SGCA: variants seen among roughly 807,000 people sequenced by gnomAD.
The protein encoded by SGCA is sarcoglycan alpha, also known as alpha-sarcoglycan.
A neutral mutation model predicts 38.1 loss-of-function variants in SGCA; 34 were observed. That is an observed-to-expected ratio of 0.89 (90% CI 0.68 to 1.19). The LOEUF (loss-of-function observed/expected upper bound fraction) is 1.19, where lower values mean the gene tolerates loss of function less well. Ranked by LOEUF, SGCA falls within the 50% of genes most tolerant of loss-of-function variation. The pLI is 0.00. For synonymous variants in SGCA, 209 were observed against 214.6 expected (o/e 0.97, Z 0.23); for missense variants, 476 against 524.9 (o/e 0.91, Z 0.91).
chr17:50,168,641 G>T, intron 5 of SGCA, 69 bp downstream of exon 5: 1 of 1,418,924 alleles, frequency 7.0e-7, no homozygotes, highest in Non-Finnish European at 9.7e-7. Context: ...TAGAACAAGG[G>T]TCTCCCTAAT....
chr17:50,175,702 C>T lies in SGCA; in HGVS notation c.*13-10C>T. The stretch of plus-strand genomic sequence containing the variant: ...TGGCCCTCTCAGCCCTCCACTCTCT[C>T]TTCCCACAGTGGTTCCAGGTCCAGC... On this transcript the variant is annotated splice_polypyrimidine_tract_variant and intron_variant, in intron 9 of 9. Coordinates refer to ENST00000262018, the MANE Select transcript of SGCA (RefSeq NM_000023.4). The T allele has an allele frequency of 1.5e-6, 1 of 650,144 alleles. No homozygotes were observed. The highest frequency in any genetic ancestry group is 2.8e-6 in the Non-Finnish European group (1 of 351,586). 40.3% of individuals were successfully genotyped at this position (650,144 alleles called of 1,614,324 possible).
rs758384359 is a variant in SGCA, at chr17:50,168,459, C to T, written c.471C>T (p.Phe157=). The T allele has an allele frequency of 6.3e-7, 1 of 1,586,288 alleles. No homozygotes were observed. The highest frequency in any genetic ancestry group is 8.6e-7 in the Non-Finnish European group (1 of 1,166,042). The change falls in exon 5 of 10, where the codon TTC becomes TTT. Residue 157 remains phenylalanine, a synonymous_variant. Transcript: ENST00000262018. ...TGCCCTCAACACCTGCCAGCCGCTT[C>T]CTCTCAGCCTTGGGGGGACTCTGGG... The part of the protein sequence containing the change: ...EVLPSTPASR[F]LSALGGLWEP...
chr17:50,175,643 G>C, intron 9 of SGCA, 69 bp from the exon 10 acceptor site: 1 of 693,636 alleles, frequency 1.4e-6, no homozygotes. Context: ...CGCAGTTGGA[G>C]TGTCAGGGTG....
chr17:50,167,855 C>T lies in SGCA; in HGVS notation c.313-92C>T, dbSNP rs1181057933. On this transcript the variant is annotated intron_variant, in intron 3 of 9. Transcript: ENST00000262018. The surrounding 1 kb of genome is among the most constrained non-coding windows in gnomAD (Gnocchi z 4.5). ...TCATTTACATATAATTTACATACCT[C>T]TAATTTGGTATCTGAGTCCTCTCCT... 14 of 1,527,658 alleles carry T rather than the reference C, an allele frequency of 9.2e-6. No homozygotes were observed. The highest frequency in any genetic ancestry group is 1.3e-5 in the Non-Finnish European group (14 of 1,101,534). The allele number at this position is 1,527,658 out of a possible 1,614,324, so 94.6% of individuals were successfully genotyped here. A position where few individuals can be genotyped will look rare whatever the true frequency, so the allele number is the denominator to read the frequency against.
At chr17:50,173,360 T>A (rs1317295989) in intron 8 of SGCA, among the ~76,000 whole-genome samples, 4 of 152,066 alleles carry the variant, frequency 2.6e-5, no homozygotes, top group Admixed American at 2.6e-4. Context: ...CGGGACTGTG[T>A]GTTGGTGGTG....
intron 8 of SGCA, chr17:50,171,659 T>A (rs1905411121): frequency 6.6e-6 from 3 of 456,822 alleles, no homozygotes; most frequent in South Asian, 3.1e-5. Context: ...ACCTTGAGCT[T>A]GGACTTGGAG....
At chr17:50,169,548 A>G (rs1216746392) in intron 6 of SGCA, 2 of 477,916 alleles carry the variant, frequency 4.2e-6, no homozygotes, top group African/African-American at 3.9e-5. Context: ...GTCAACAGCT[A>G]TATCACAGTC....
chr17:50,172,314 G>A, intron 8 of SGCA: 1 of 454,168 alleles, frequency 2.2e-6, no homozygotes. Flanking sequence ...GGTCACAGTG[G>A]CCCCATTGTT....
intron 5 of SGCA, 102 bp from the exon 6 acceptor site, chr17:50,168,990 G>T: frequency 9.2e-7 from 1 of 1,082,810 alleles, no homozygotes; most frequent in Non-Finnish European, 1.4e-6. Flanking sequence ...CCCATCCCCA[G>T]GTCATAGCCT....
chr17:50,169,798 C>T, intron 6 of SGCA: 2 of 432,718 alleles, frequency 4.6e-6, no homozygotes, highest in Non-Finnish European at 4.3e-6. Context: ...GGTCCACAGC[C>T]AGCGACTGGT....
At chr17:50,168,310 A>G (rs1905095669) in intron 4 of SGCA, 64 bp from the exon 5 acceptor site, 7 of 1,416,638 alleles carry the variant, frequency 4.9e-6, no homozygotes, top group East Asian at 2.5e-5. Flanking sequence ...AGGAGCTTCA[A>G]GGAGGCTTTG....
Position 50,168,557 on chromosome 17 carries a change from A to T in SGCA, c.569A>T (p.Glu190Val). Reference sequence around the variant, plus strand: ...GGGGGCCGTGTCCCCCTTCCCATTGAGGGCCGAAAAGAAGGGTAGGTGTGC... The same window carrying T: ...GGGGGCCGTGTCCCCCTTCCCATTGTGGGCCGAAAAGAAGGGTAGGTGTGC... Reference protein sequence around the residue: ...DRGGRVPLPIEGRKEGVYIKV... With the variant: ...DRGGRVPLPIVGRKEGVYIKV... Residue 190 changes from glutamate to valine, a missense_variant, in exon 5 of 10, where the codon GAG becomes GTG. Glu to Val is a moderately radical substitution (Grantham distance 121). Coordinates refer to ENST00000262018, the MANE Select transcript of SGCA (RefSeq NM_000023.4). 1 of 1,567,630 alleles carries T rather than the reference A, an allele frequency of 6.4e-7. No individual in the cohort carries two copies.
At chr17:50,172,643 C>G (rs1905550708) in intron 8 of SGCA, among the ~76,000 whole-genome samples, 2 of 152,120 alleles carry the variant, frequency 1.3e-5, no homozygotes, top group South Asian at 4.1e-4. Context: ...CCTGGCCTGG[C>G]CCCCAGTTTT....
Position 50,170,754 on chromosome 17 carries a change from A to G in SGCA, c.983+88A>G, listed in dbSNP as rs544279803. The G allele has an allele frequency of 4.6e-4, 515 of 1,115,560 alleles. 5 individuals are homozygous for G. In the South Asian group the frequency reaches 6.4e-3, roughly 14 times the overall value. 69.1% of individuals were successfully genotyped at this position (1,115,560 alleles called of 1,614,324 possible). On this transcript the variant is annotated intron_variant, in intron 8 of 9. Transcript: ENST00000262018. ...CCAAACTATGCCATGAACAGCAGAG[A>G]CAAAATAAATAACTCCAGGGTGATG...
rs1363103593 is a variant in SGCA, at chr17:50,175,798, C to A, written c.*99C>A. On this transcript the variant is annotated 3_prime_UTR_variant, in exon 10 of 10. Transcript: ENST00000262018. ...CCCACCTGCTGATTCCAGCTCCTGG[C>A]CCTCCTGGAACCCAGGCTCTAAACA... is the stretch of plus-strand genomic sequence containing the variant. 1 of 505,242 alleles carries A rather than the reference C, an allele frequency of 2.0e-6. No individual in the cohort carries two copies. The highest frequency in any genetic ancestry group is 3.9e-6 in the Non-Finnish European group (1 of 259,172). The allele number at this position is 505,242 out of a possible 1,614,324, so 31.3% of individuals were successfully genotyped here.
chr17:50,168,640 G>A, intron 5 of SGCA, 68 bp downstream of exon 5: 1 of 1,421,898 alleles, frequency 7.0e-7, no homozygotes, highest in Non-Finnish European at 9.7e-7. Context: ...ATAGAACAAG[G>A]GTCTCCCTAA....
At position 50,167,527 on chromosome 17, in the gene SGCA, T is replaced by G; in HGVS notation, c.157+40T>G. The G allele has an allele frequency of 1.2e-6, 2 of 1,614,018 alleles. No homozygotes were observed. Among genetic ancestry groups the G allele is most frequent in the South Asian group, 1.1e-5 (1 of 91,080 alleles). On this transcript the variant is annotated intron_variant, in intron 2 of 9. Transcript: ENST00000262018. The surrounding 1 kb of genome is among the most constrained non-coding windows in gnomAD (Gnocchi z 4.5). Reference sequence around the variant, plus strand: ...AGGCACCCAGGCGGGCGGGCTGGGGTGTACCCCGCAGGGCTCCTGCTGTGA... The same window carrying G: ...AGGCACCCAGGCGGGCGGGCTGGGGGGTACCCCGCAGGGCTCCTGCTGTGA...
chr17:50,172,240 C>G lies in SGCA; in HGVS notation c.983+1574C>G, dbSNP rs76235917. ...CGGCTGGCCTCCACAGACTTGTGCT[C>G]TTGGTGCAGGGGTTGGTGAGGTTAT... On this transcript the variant is annotated intron_variant, in intron 8 of 9. Coordinates refer to ENST00000262018, the MANE Select transcript of SGCA (RefSeq NM_000023.4). 4.9e-4 allele frequency: 222 copies of G among 457,082 alleles called. 1 individual carries two copies. The highest frequency in any genetic ancestry group is 3.3e-3 in the South Asian group (214 of 64,564). 28.3% of individuals were successfully genotyped at this position (457,082 alleles called of 1,614,324 possible).
chr17:50,173,617 T>C (rs898448387), intron 8 of SGCA, among the ~76,000 whole-genome samples: 1 of 152,254 alleles, frequency 6.6e-6, no homozygotes, highest in East Asian at 1.9e-4. Flanking sequence ...GCCCACTGAC[T>C]GAGGCCTTCC....
Sources: allele counts gnomAD v4.1 joint callset (sites outside exome capture counted in the v4.1 genomes callset), GRCh38; gene constraint gnomAD v4.1.1; non-coding constraint Gnocchi (gnomAD v3.1); transcripts MANE v1.5; gene names NCBI Gene and HGNC (gene_info 2026-07-23, HGNC 2026-07-21).